ANKRD17: variants seen among roughly 807,000 people sequenced by gnomAD.
The protein encoded by ANKRD17 is ankyrin repeat domain-containing protein 17.
Under a neutral mutation model 229.7 loss-of-function variants are expected in ANKRD17, and 19 were observed. The ratio of observed to expected loss-of-function variants is 0.08; its 90% CI spans 0.06 to 0.12. The LOEUF (loss-of-function observed/expected upper bound fraction) is 0.12, where lower values mean the gene tolerates loss of function less well. Ranked by LOEUF, ANKRD17 falls within the 10% of genes least tolerant of loss-of-function variation. ANKRD17 has a pLI of 1.00. For synonymous variants in ANKRD17, 1,112 were observed against 1,146.1 expected (o/e 0.97, Z 0.60); for missense variants, 2,176 against 3,176.8 (o/e 0.68, Z 7.57).
At chr4:73,214,341 C>T (rs1740717351) in intron 1 of ANKRD17, among the ~76,000 whole-genome samples, 1 of 152,124 alleles carries the variant, frequency 6.6e-6, no homozygotes, top group Non-Finnish European at 1.5e-5. Context: ...CTTTTACTCC[C>T]TTAATGAGTG....
intron 27 of ANKRD17, 121 bp from the exon 28 acceptor site, chr4:73,094,349 G>A: frequency 2.2e-6 from 2 of 899,828 alleles, no homozygotes; most frequent in Non-Finnish European, 3.3e-6. Flanking sequence ...TGTTGAATAA[G>A]CCTCTTCTAT....
intron 1 of ANKRD17, among the ~76,000 whole-genome samples, chr4:73,179,466 A>ATGTATGTG (rs1285704469): frequency 3.3e-5 from 2 of 60,802 alleles, no homozygotes; most frequent in African/African-American, 1.2e-4. Flanking sequence ...ATATGTATAT[A>ATGTATGTG]TGTGTGTGTG....
intron 1 of ANKRD17, among the ~76,000 whole-genome samples, chr4:73,192,604 T>TGA (rs1045788711): frequency 2.6e-5 from 4 of 152,026 alleles, no homozygotes; most frequent in Non-Finnish European, 4.4e-5. Context: ...AAACAATTAA[T>TGA]GAGAAAAAAC....
intron 24 of ANKRD17, chr4:73,112,841 G>A (rs772412783): frequency 9.5e-6 from 4 of 419,474 alleles, no homozygotes; most frequent in Non-Finnish European, 1.3e-5. Flanking sequence ...AGGCTGGAGT[G>A]CAGTGGCGTG....
At chr4:73,157,567 A>C (rs1265107691) in intron 3 of ANKRD17, among the ~76,000 whole-genome samples, 2 of 152,184 alleles carry the variant, frequency 1.3e-5, no homozygotes, top group Non-Finnish European at 2.9e-5. Flanking sequence ...AATATAACTC[A>C]ATTATTTTAT....
intron 27 of ANKRD17, among the ~76,000 whole-genome samples, chr4:73,095,207 T>C (rs72661096): frequency 0.021 from 3,214 of 152,206 alleles, 57 homozygotes; most frequent in Middle Eastern, 0.075. Flanking sequence ...TACTTCCCTG[T>C]ATTCTTATAG....
Position 73,215,398 on chromosome 4 carries a change from T to A in ANKRD17, c.394-37865A>T, listed in dbSNP as rs147536740. On this transcript the variant is annotated intron_variant, in intron 1 of 33. Transcript: ENST00000358602. ...CCTCAGCCTGCCGAGTAGCTGGGAC[T>A]ACAGGCGCATGCCACTACACCCAGC... 8.0e-3 allele frequency among the ~76,000 whole-genome samples: 1,219 copies of A among 152,222 alleles called. 19 individuals are homozygous for A. Among genetic ancestry groups the A allele is most frequent in the African/African-American group, 0.028 (1,146 of 41,540 alleles).
At chr4:73,094,257 G>A in intron 27 of ANKRD17, 29 bp from the exon 28 acceptor site, 1 of 1,576,836 alleles carries the variant, frequency 6.3e-7, no homozygotes, top group Non-Finnish European at 8.7e-7. Context: ...TATAAATTAA[G>A]ATTAGTCATT....
chr4:73,175,936 A>G (rs901142351), intron 2 of ANKRD17, among the ~76,000 whole-genome samples: 1 of 152,120 alleles, frequency 6.6e-6, no homozygotes, highest in African/African-American at 2.4e-5. Context: ...ATGGGCTCCT[A>G]AAGCAAATAA....
chr4:73,199,124 T>C (rs1304885662), intron 1 of ANKRD17, among the ~76,000 whole-genome samples: 2 of 152,096 alleles, frequency 1.3e-5, no homozygotes, highest in African/African-American at 2.4e-5. Context: ...AGCAATCATG[T>C]TACTGTTATA....
chr4:73,151,301 T>C lies in ANKRD17; in HGVS notation c.1329+129A>G, dbSNP rs1013911352. Reference sequence around the variant, plus strand: ...AAGTAACTTTAATAGAAGTTAATGTTGTACAACTGATTCAATAAGGTTCTG... The same window carrying C: ...AAGTAACTTTAATAGAAGTTAATGTCGTACAACTGATTCAATAAGGTTCTG... On this transcript the variant is annotated intron_variant, in intron 7 of 33. Coordinates refer to ENST00000358602, the MANE Select transcript of ANKRD17 (RefSeq NM_032217.5). The C allele has an allele frequency of 7.8e-6, 6 of 768,566 alleles. No individual in the cohort carries two copies. The African/African-American group carries it at 1.1e-4, about 14-fold the overall frequency. 47.6% of individuals were successfully genotyped at this position (768,566 alleles called of 1,614,324 possible). A position where few individuals can be genotyped will look rare whatever the true frequency, so the allele number is the denominator to read the frequency against.
intron 1 of ANKRD17, chr4:73,223,003 C>T: frequency 1.3e-6 from 2 of 1,536,110 alleles, no homozygotes; most frequent in Non-Finnish European, 1.7e-6. Context: ...ACATATGCTT[C>T]CATTTCAGCC....
At position 73,091,053 on chromosome 4, in the gene ANKRD17, G is replaced by A. The variant is rs1321186590; in HGVS notation, c.6575C>T (p.Ser2192Leu). 2.6e-5 allele frequency: 42 copies of A among 1,614,090 alleles called. No individual in the cohort carries two copies. Among genetic ancestry groups the A allele is most frequent in the Non-Finnish European group, 2.6e-5 (31 of 1,180,050 alleles). Residue 2192 changes from serine (S) to leucine (L), a missense_variant, in exon 29 of 34, where the codon TCA becomes TTA. Coordinates refer to ENST00000358602, the MANE Select transcript of ANKRD17 (RefSeq NM_032217.5). ...AACAGATGAATTTTGCACTGAAGCTGAATTCTTGTGAGGGGCAGTTGTGCC... is the reference window on the plus strand; with the variant it reads ...AACAGATGAATTTTGCACTGAAGCTAAATTCTTGTGAGGGGCAGTTGTGCC... ...PHGTTAPHKN[S>L]ASVQNSSVAV...
intron 6 of ANKRD17, 87 bp from the exon 7 acceptor site, chr4:73,151,611 T>A: frequency 1.0e-6 from 1 of 996,896 alleles, no homozygotes; most frequent in Non-Finnish European, 1.4e-6. Context: ...AAAGTTATAT[T>A]TAACTTACAG....
chr4:73,249,398 G>C (rs1162644061), intron 1 of ANKRD17, among the ~76,000 whole-genome samples: 2 of 152,176 alleles, frequency 1.3e-5, no homozygotes, highest in Admixed American at 1.3e-4. Context: ...CAGCCATAAA[G>C]CAGTTCCATA....
intron 1 of ANKRD17, among the ~76,000 whole-genome samples, chr4:73,221,574 T>C (rs993536084): frequency 2.0e-5 from 3 of 152,186 alleles, no homozygotes; most frequent in Admixed American, 6.5e-5. Flanking sequence ...GTAATCTAAT[T>C]AGGCTTATTT....
At chr4:73,194,691 T>C (rs1443374649) in intron 1 of ANKRD17, among the ~76,000 whole-genome samples, 5 of 152,184 alleles carry the variant, frequency 3.3e-5, no homozygotes, top group African/African-American at 1.2e-4. Flanking sequence ...TTGTAGTATA[T>C]ATCATATACT....
At position 73,074,696 on chromosome 4, in the gene ANKRD17, T is replaced by C. The variant is rs1401750167; in HGVS notation, c.*1535A>G. The C allele has an allele frequency of 1.3e-5, 2 of 152,272 alleles. No homozygotes were observed. The highest frequency in any genetic ancestry group is 2.4e-5 in the African/African-American group (1 of 41,448). 9.4% of individuals were successfully genotyped at this position (152,272 alleles called of 1,614,324 possible). A position where few individuals can be genotyped will look rare whatever the true frequency, so the allele number is the denominator to read the frequency against. On this transcript the variant is annotated 3_prime_UTR_variant, in exon 34 of 34. Coordinates refer to ENST00000358602, the MANE Select transcript of ANKRD17 (RefSeq NM_032217.5). ...GGAACCATGTTAATATCATCAACTC[T>C]AGGTGATTTATATGAATTTTAGTTA...
chr4:73,210,843 G>A (rs1454640844), intron 1 of ANKRD17, among the ~76,000 whole-genome samples: 1 of 151,752 alleles, frequency 6.6e-6, no homozygotes, highest in African/African-American at 2.4e-5. Flanking sequence ...TATGGACTAT[G>A]CAAATCTCAA....
Sources: allele counts gnomAD v4.1 joint callset (sites outside exome capture counted in the v4.1 genomes callset), GRCh38; gene constraint gnomAD v4.1.1; transcripts MANE v1.5; gene names NCBI Gene and HGNC (gene_info 2026-07-23, HGNC 2026-07-21).